The following RBFOX2 variants were observed in gnomAD, a reference collection of about 807,000 sequenced individuals.
RBFOX2 encodes RNA binding fox-1 homolog 2.
In RBFOX2, 10 loss-of-function variants were observed where a neutral mutation model predicts 49.1. That is an observed-to-expected ratio of 0.20 (90% CI 0.13 to 0.35). The LOEUF (loss-of-function observed/expected upper bound fraction) is 0.35, where lower values mean the gene tolerates loss of function less well. Ranked by LOEUF, RBFOX2 falls within the 10% of genes least tolerant of loss-of-function variation. The pLI is 1.00. For missense variants in RBFOX2, 323 were observed against 486.9 expected (o/e 0.66, Z 3.17); for synonymous variants, 183 against 187.4 (o/e 0.98, Z 0.19).
At chr22:35,796,193 T>C (rs541367115) in intron 2 of RBFOX2, among the ~76,000 whole-genome samples, 1 of 152,280 alleles carries the variant, frequency 6.6e-6, no homozygotes, top group Admixed American at 6.5e-5. Context: ...GAAACCCTTT[T>C]AACTCTTAAA....
intron 1 of RBFOX2, among the ~76,000 whole-genome samples, chr22:35,977,736 A>G (rs1322654443): frequency 2.9e-5 from 4 of 136,190 alleles, no homozygotes; most frequent in African/African-American, 8.2e-5. Context: ...ATATATATAT[A>G]TATATATATA....
At chr22:35,829,156 A>T (rs926716837) in intron 1 of RBFOX2, among the ~76,000 whole-genome samples, 1 of 152,222 alleles carries the variant, frequency 6.6e-6, no homozygotes, top group Non-Finnish European at 1.5e-5. Flanking sequence ...AAGAATATTT[A>T]TAGACATAAA....
intron 1 of RBFOX2, among the ~76,000 whole-genome samples, chr22:35,882,010 A>G (rs1176911560): frequency 1.3e-5 from 2 of 152,012 alleles, no homozygotes; most frequent in Admixed American, 1.3e-4. Flanking sequence ...AAAGAAATGA[A>G]AAGAAAAGAA....
At chr22:35,796,188 C>T (rs976544924) in intron 2 of RBFOX2, among the ~76,000 whole-genome samples, 7 of 152,006 alleles carry the variant, frequency 4.6e-5, no homozygotes, top group African/African-American at 1.4e-4. Flanking sequence ...TGTGGGAAAC[C>T]CTTTTAACTC....
intron 1 of RBFOX2, among the ~76,000 whole-genome samples, chr22:35,819,829 G>A (rs901983689): frequency 1.3e-5 from 2 of 152,214 alleles, no homozygotes; most frequent in African/African-American, 4.8e-5. Context: ...GAGGGTATCG[G>A]GGTATTGGGC....
At position 35,814,998 on chromosome 22, in the gene RBFOX2, T is replaced by C. The variant is rs548473488; in HGVS notation, c.28-4994A>G. ...TCCACAGATGCAGAACCCGTGGCTATGGACAGACAACTATAGTATTACAGT... is the reference window on the plus strand; with the variant it reads ...TCCACAGATGCAGAACCCGTGGCTACGGACAGACAACTATAGTATTACAGT... On this transcript the variant is annotated intron_variant, in intron 1 of 11. Coordinates refer to ENST00000405409, the Ensembl canonical transcript of RBFOX2. Among the ~76,000 whole-genome samples the C allele has an allele frequency of 7.9e-5, 12 of 152,298 alleles. No individual in the cohort carries two copies. The South Asian group carries it at 2.3e-3, about 29-fold the overall frequency.
intron 1 of RBFOX2, among the ~76,000 whole-genome samples, chr22:35,871,156 G>A (rs539419532): frequency 6.6e-6 from 1 of 152,278 alleles, no homozygotes; most frequent in South Asian, 2.1e-4. Context: ...CTAATTACCT[G>A]GGGAGAGACA....
chr22:35,947,687 A>T (rs979482700), intron 1 of RBFOX2, among the ~76,000 whole-genome samples: 7 of 149,554 alleles, frequency 4.7e-5, no homozygotes, highest in African/African-American at 1.5e-4. Context: ...AAAAAAAAAA[A>T]AAAAAAAAAA....
intron 6 of RBFOX2, among the ~76,000 whole-genome samples, chr22:35,762,946 T>A (rs139452814): frequency 1.3e-5 from 2 of 152,368 alleles, no homozygotes; most frequent in East Asian, 3.9e-4. Context: ...AAATGCAATG[T>A]CTCTTCAATA....
chr22:36,002,171 A>T (rs531781291), intron 1 of RBFOX2, among the ~76,000 whole-genome samples: 4 of 152,238 alleles, frequency 2.6e-5, no homozygotes, highest in Admixed American at 1.3e-4. Context: ...CGGTAACATA[A>T]TAGAAAAATG....
intron 1 of RBFOX2, among the ~76,000 whole-genome samples, chr22:35,931,405 A>T (rs991338773): frequency 5.3e-5 from 8 of 152,098 alleles, no homozygotes; most frequent in Non-Finnish European, 8.8e-5. Flanking sequence ...GAACCATTTT[A>T]ATTCAGTCTC....
At chr22:35,961,818 G>A (rs991653071), upstream of RBFOX2, 1 of 702,792 alleles carries the variant, frequency 1.4e-6, no homozygotes, top group Non-Finnish European at 1.7e-6. Context: ...GGGATTCAGA[G>A]TCCTATGACT....
intron 2 of RBFOX2, among the ~76,000 whole-genome samples, chr22:35,788,578 T>C (rs1946919592): frequency 6.6e-6 from 1 of 152,164 alleles, no homozygotes; most frequent in South Asian, 2.1e-4. Context: ...GAATTATAGG[T>C]TGGAAAAAAA....
At position 35,765,485 on chromosome 22, in the gene RBFOX2, T is replaced by C; in HGVS notation, c.547-2A>G. On this transcript the variant is annotated splice_acceptor_variant, in intron 5 of 11. Transcript: ENST00000405409. LOFTEE classifies it high-confidence loss of function. ...TACACGTGCTGTAGCATTATTCACCTAAAAATAACAAGGAGAAAAAAGGGC... is the reference window on the plus strand; with the variant it reads ...TACACGTGCTGTAGCATTATTCACCCAAAAATAACAAGGAGAAAAAAGGGC... 6.6e-7 allele frequency: 1 copy of C among 1,510,218 alleles called. No individual in the cohort carries two copies. Among genetic ancestry groups the C allele is most frequent in the Admixed American group, 1.8e-5 (1 of 56,294 alleles). 93.6% of individuals were successfully genotyped at this position (1,510,218 alleles called of 1,614,324 possible). A position where few individuals can be genotyped will look rare whatever the true frequency, so the allele number is the denominator to read the frequency against.
At chr22:35,813,725 A>G (rs1216761463) in intron 1 of RBFOX2, among the ~76,000 whole-genome samples, 1 of 145,686 alleles carries the variant, frequency 6.9e-6, no homozygotes, top group Non-Finnish European at 1.5e-5. Flanking sequence ...AGAATCCCAC[A>G]TCGTACATAA....
At chr22:35,886,135 C>A (rs182437927) in intron 1 of RBFOX2, among the ~76,000 whole-genome samples, 1 of 152,012 alleles carries the variant, frequency 6.6e-6, no homozygotes, top group South Asian at 2.1e-4. Context: ...GGATTACAGG[C>A]GTGAGCCACC....
chr22:35,852,609 A>T (rs1412601080), intron 1 of RBFOX2, among the ~76,000 whole-genome samples: 3 of 152,158 alleles, frequency 2.0e-5, no homozygotes, highest in Admixed American at 1.3e-4. Context: ...TTTCATACAT[A>T]GCAGTACAGC....
intron 1 of RBFOX2, among the ~76,000 whole-genome samples, chr22:35,991,117 A>G (rs968916292): frequency 2.6e-5 from 4 of 152,074 alleles, no homozygotes; most frequent in Non-Finnish European, 5.9e-5. Flanking sequence ...TTACAAAAAC[A>G]AAAAACAAAA....
At chr22:35,817,137 C>T (rs868484352) in intron 1 of RBFOX2, among the ~76,000 whole-genome samples, 1 of 151,980 alleles carries the variant, frequency 6.6e-6, no homozygotes, top group African/African-American at 2.4e-5. Flanking sequence ...CAGGACATGT[C>T]CTGAAGCATC....
Sources: gnomAD v4.1 joint callset for allele counts (sites outside exome capture counted in the v4.1 genomes callset) on GRCh38, gnomAD v4.1.1 for gene constraint, MANE v1.5 for transcripts, NCBI Gene and HGNC (gene_info 2026-07-23, HGNC 2026-07-21) for gene names.